TMEM154: variants seen among roughly 807,000 people sequenced by gnomAD.
The protein encoded by TMEM154 is transmembrane protein 154.
Under a neutral mutation model 24.5 loss-of-function variants are expected in TMEM154, and 27 were observed. The ratio of observed to expected loss-of-function variants is 1.10; its 90% CI spans 0.81 to 1.52. The LOEUF is 1.52. Among genes scored for constraint, TMEM154 ranks in the 40% most tolerant of loss-of-function variants. The pLI is 0.00. For synonymous variants in TMEM154, 67 were observed against 76.8 expected, an observed-to-expected ratio of 0.87 and a Z score of 0.67; for missense variants, 228 against 213.4, an observed-to-expected ratio of 1.07 and a Z score of -0.43.
rs147385222 is a variant in TMEM154 at position 152,675,861 on chromosome 4, C to A, written c.64+4009G>T. ...GCATTGCTTCATTACAGAATTGAGC[C>A]CATCCCAGTCAATATCTTCCCTCTT... On this transcript the variant is annotated intron_variant, in intron 1 of 6. Coordinates refer to ENST00000304385, the MANE Select transcript of TMEM154 (RefSeq NM_152680.3). Among the ~76,000 whole-genome samples, 1,328 of 152,282 alleles carry A rather than the reference C, an allele frequency of 8.7e-3. 13 individuals carry two copies. The highest frequency in any genetic ancestry group is 0.049 in the South Asian group (235 of 4,828).
intron 6 of TMEM154, among the ~76,000 whole-genome samples, chr4:152,633,735 C>T (rs1752094250): frequency 6.6e-6 from 1 of 152,006 alleles, no homozygotes; most frequent in South Asian, 2.1e-4. Flanking sequence ...GAGGCCAGGG[C>T]ACTTGAGCCT....
In TMEM154 at chr4:152,660,240, G is replaced by A. The variant is rs139822647; in HGVS notation, c.65-7313C>T. Among the ~76,000 whole-genome samples the A allele has an allele frequency of 1.7e-3, 256 of 152,242 alleles. 2 individuals are homozygous for A. The highest frequency in any genetic ancestry group is 5.9e-3 in the African/African-American group (247 of 41,534). On this transcript the variant is annotated intron_variant, in intron 1 of 6. Transcript: ENST00000304385. ...AAATAGCGTTTTCACTGGTAACCTT[G>A]GCCAGTGAAGACTGGTACATATGGG...
chr4:152,661,286 C>CTCTCTCTT (rs1728597645), intron 1 of TMEM154, among the ~76,000 whole-genome samples: 10 of 25,820 alleles, frequency 3.9e-4, no homozygotes, highest in African/African-American at 1.1e-3. Flanking sequence ...TGTTCTCTTT[C>CTCTCTCTT]TCTCTCTCTC....
rs150947766 is a variant in TMEM154 at position 152,644,419 on chromosome 4, T to C, written c.388A>G (p.Lys130Glu). 43 of 1,614,182 alleles carry C rather than the reference T, an allele frequency of 2.7e-5. No homozygotes were observed. In the Admixed American group the frequency reaches 2.7e-4, roughly 10 times the overall value. The change falls in exon 4 of 7, where the codon AAA (lysine) becomes GAA (glutamate). Residue 130 changes from lysine to glutamate, a missense_variant. Lys to Glu is a moderately conservative substitution (Grantham distance 56). Coordinates refer to ENST00000304385, the MANE Select transcript of TMEM154 (RefSeq NM_152680.3). ...GAAGCAGCAGGGAAAACTTACACTT[T>C]CACGTTTTCACTTCCCAGTTCATCT... ...QTYELGSENV[K>E]VPIFEEDTPS...
chr4:152,653,018 T>G (rs1041796632), intron 1 of TMEM154, 91 bp from the exon 2 acceptor site: 1 of 1,338,886 alleles, frequency 7.5e-7, no homozygotes, highest in African/African-American at 1.5e-5. Flanking sequence ...CTAGATACAT[T>G]CTGTGATAAA....
rs532013490 is a variant in TMEM154, at chr4:152,652,224, T to C, written c.364+314A>G. 2.7e-5 allele frequency among the ~76,000 whole-genome samples: 4 copies of C among 149,402 alleles called. 1 individual carries two copies. In the South Asian group the frequency reaches 8.4e-4, roughly 31 times the overall value. ...TAAACATGTGCTGTTGAAAAAATGA[T>C]ACCAATAGACTGGTTTGAGGCAATG... On this transcript the variant is annotated intron_variant, in intron 3 of 6. Coordinates refer to ENST00000304385, the MANE Select transcript of TMEM154 (RefSeq NM_152680.3).
chr4:152,665,621 G>C (rs1201353980), intron 1 of TMEM154, among the ~76,000 whole-genome samples: 2 of 152,130 alleles, frequency 1.3e-5, no homozygotes, highest in Non-Finnish European at 2.9e-5. Context: ...AAATGTTATG[G>C]CTAATAGAAG....
chr4:152,631,822 T>TGAG (rs1752049826), intron 6 of TMEM154, among the ~76,000 whole-genome samples: 1 of 58,328 alleles, frequency 1.7e-5, no homozygotes, highest in Non-Finnish European at 3.4e-5. Flanking sequence ...TTTTTTTTTT[T>TGAG]GAGACAGAGT....
chr4:152,646,896 C>A, intron 3 of TMEM154: 1 of 700,744 alleles, frequency 1.4e-6, no homozygotes, highest in Non-Finnish European at 2.6e-6. Context: ...GTAGCCACAG[C>A]CTGTTTAAAG....
At chr4:152,647,336 A>C in intron 3 of TMEM154, 1 of 985,400 alleles carries the variant, frequency 1.0e-6, no homozygotes. Context: ...ACCTGAAAAA[A>C]AATCAAATTT....
At chr4:152,641,987 A>G (rs1209143314) in intron 5 of TMEM154, among the ~76,000 whole-genome samples, 2 of 136,304 alleles carry the variant, frequency 1.5e-5, no homozygotes, top group East Asian at 4.2e-4. Flanking sequence ...CAGTGGCACA[A>G]TCTCGGCTCA....
At chr4:152,638,346 C>T (rs911921756) in intron 6 of TMEM154, among the ~76,000 whole-genome samples, 1 of 152,176 alleles carries the variant, frequency 6.6e-6, no homozygotes, top group Non-Finnish European at 1.5e-5. Context: ...TGGGCCTATG[C>T]CAGTAATTAA....
At chr4:152,676,754 T>A (rs1182665613) in intron 1 of TMEM154, among the ~76,000 whole-genome samples, 1 of 152,218 alleles carries the variant, frequency 6.6e-6, no homozygotes, top group East Asian at 1.9e-4. Context: ...GCTAGTATTT[T>A]CTACTATTCT....
chr4:152,625,948 T>A lies in TMEM154; in HGVS notation c.*2598A>T, dbSNP rs1427954292. ...GCATAACTAGGAGAAAAAAAAACTA[T>A]GAAATTATTTTCCCAAGACCAGTTT... On this transcript the variant is annotated 3_prime_UTR_variant, in exon 7 of 7. Transcript: ENST00000304385. 6.6e-6 allele frequency: 1 copy of A among 152,198 alleles called. No individual in the cohort carries two copies. The highest frequency in any genetic ancestry group is 1.5e-5 in the Non-Finnish European group (1 of 68,046). The allele number at this position is 152,198 out of a possible 1,614,324, so 9.4% of individuals were successfully genotyped here.
At chr4:152,631,539 T>C (rs931458833) in intron 6 of TMEM154, among the ~76,000 whole-genome samples, 2 of 151,906 alleles carry the variant, frequency 1.3e-5, no homozygotes, top group Non-Finnish European at 1.5e-5. Flanking sequence ...GCTCCAGCAA[T>C]CCTACCACCT....
At chr4:152,679,776 G>T in intron 1 of TMEM154, 94 bp downstream of exon 1, 1 of 1,508,870 alleles carries the variant, frequency 6.6e-7, no homozygotes, top group Non-Finnish European at 9.0e-7. Context: ...AGATTTTCTG[G>T]GTGTCACCCT....
At chr4:152,653,119 T>C (rs973729065) in intron 1 of TMEM154, among the ~76,000 whole-genome samples, 192 bp from the exon 2 acceptor site, 4 of 152,192 alleles carry the variant, frequency 2.6e-5, no homozygotes, top group African/African-American at 7.2e-5. Flanking sequence ...GTATTGAATA[T>C]GGAATCAGAG....
At chr4:152,678,533 G>A (rs1184296711) in intron 1 of TMEM154, among the ~76,000 whole-genome samples, 1 of 151,248 alleles carries the variant, frequency 6.6e-6, no homozygotes, top group Non-Finnish European at 1.5e-5. Flanking sequence ...GGCGGCGGTG[G>A]GGGGAGGGGG....
chr4:152,643,367 C>A (rs1383354107), intron 4 of TMEM154, among the ~76,000 whole-genome samples, 194 bp from the exon 5 acceptor site: 1 of 152,198 alleles, frequency 6.6e-6, no homozygotes, highest in Non-Finnish European at 1.5e-5. Context: ...CACAAACAAA[C>A]ATACATTTAT....
Sources: allele counts gnomAD v4.1 joint callset (sites outside exome capture counted in the v4.1 genomes callset), GRCh38; gene constraint gnomAD v4.1.1; transcripts MANE v1.5; gene names NCBI Gene and HGNC (gene_info 2026-07-23, HGNC 2026-07-21).